Variants in ULK4 observed in about 807,000 individuals in gnomAD.
ULK4 encodes unc-51 like kinase 4, also known as inactive serine/threonine-protein kinase ULK4.
Under a neutral mutation model 160.6 loss-of-function variants are expected in ULK4, and 133 were observed. That is an observed-to-expected ratio of 0.83 (90% CI 0.72 to 0.96). The LOEUF (loss-of-function observed/expected upper bound fraction) is 0.96, where lower values mean the gene tolerates loss of function less well. ULK4 is among the 40% of genes least tolerant of loss of function. ULK4 has a pLI of 0.00. For synonymous variants in ULK4, 534 were observed against 539.8 expected (o/e 0.99, Z 0.15); for missense variants, 1,580 against 1,499.5 (o/e 1.05, Z -0.89).
intron 18 of ULK4, 26 bp from the exon 19 acceptor site, chr3:41,819,532 G>A: frequency 6.2e-7 from 1 of 1,602,138 alleles, no homozygotes; most frequent in South Asian, 1.1e-5. Flanking sequence ...AAAAAAAAAG[G>A]CAGTGAAGCT....
chr3:41,739,030 A>G (rs2038147858), intron 22 of ULK4, among the ~76,000 whole-genome samples: 2 of 151,924 alleles, frequency 1.3e-5, no homozygotes, highest in African/African-American at 4.9e-5. Context: ...TCACATGTGG[A>G]TTACTATTCT....
intron 31 of ULK4, among the ~76,000 whole-genome samples, chr3:41,567,158 G>T (rs1027020080): frequency 7.2e-5 from 11 of 152,164 alleles, no homozygotes; most frequent in African/African-American, 2.4e-4. Flanking sequence ...AGAAACATAT[G>T]GTTTGCTGTT....
At chr3:41,804,019 T>A (rs1000852732) in intron 19 of ULK4, among the ~76,000 whole-genome samples, 12 of 152,162 alleles carry the variant, frequency 7.9e-5, no homozygotes, top group Non-Finnish European at 1.8e-4. Flanking sequence ...GATGGCTGGG[T>A]CAAATGGTAT....
At chr3:41,806,287 A>G (rs2040639661) in intron 19 of ULK4, among the ~76,000 whole-genome samples, 1 of 151,712 alleles carries the variant, frequency 6.6e-6, no homozygotes, top group Admixed American at 6.6e-5. Context: ...TGTTTGTAGT[A>G]TTCTCTGATG....
chr3:41,933,754 AT>A lies in ULK4; in HGVS notation c.379-1749del, dbSNP rs1041872350. Among the ~76,000 whole-genome samples the A allele has an allele frequency of 1.1e-4, 17 of 151,996 alleles. No homozygotes were observed. In the East Asian group the frequency reaches 1.5e-3, roughly 14 times the overall value. On this transcript the variant is annotated intron_variant, in intron 4 of 36. Transcript: ENST00000301831. Reference sequence around the variant, plus strand: ...CACACAAAAAATTAATAAAAAAAAAATAATGTGGTTTTTAGCCAGGCATGGT... The same window carrying A: ...CACACAAAAAATTAATAAAAAAAAAAAATGTGGTTTTTAGCCAGGCATGGT...
chr3:41,691,401 C>T (rs1049312146), intron 27 of ULK4, among the ~76,000 whole-genome samples: 2 of 151,846 alleles, frequency 1.3e-5, no homozygotes, highest in Non-Finnish European at 2.9e-5. Flanking sequence ...TCCAACTGTA[C>T]TTTACTTCCT....
Position 41,313,086 on chromosome 3 carries a change from A to G in ULK4, c.3679-63512T>C, listed in dbSNP as rs74713204. Among the ~76,000 whole-genome samples the G allele has an allele frequency of 8.6e-3, 1,307 of 152,344 alleles. 11 individuals are homozygous for G. The highest frequency in any genetic ancestry group is 0.022 in the African/African-American group (925 of 41,578). On this transcript the variant is annotated intron_variant, in intron 35 of 36. Coordinates refer to ENST00000301831, the MANE Select transcript of ULK4 (RefSeq NM_017886.4). ...AACAAAGGCAAGAGATGGTTTGAGAAGACAAACCTTTGGAAAGGTTTCTCC... is the reference window on the plus strand; with the variant it reads ...AACAAAGGCAAGAGATGGTTTGAGAGGACAAACCTTTGGAAAGGTTTCTCC...
At chr3:41,407,750 CT>C (rs2082322857) in intron 34 of ULK4, among the ~76,000 whole-genome samples, 1 of 152,142 alleles carries the variant, frequency 6.6e-6, no homozygotes, top group African/African-American at 2.4e-5. Flanking sequence ...AAACCTATTG[CT>C]AACACTCACT....
At chr3:41,925,517 C>A (rs1275739597) in intron 5 of ULK4, among the ~76,000 whole-genome samples, 1 of 152,048 alleles carries the variant, frequency 6.6e-6, no homozygotes, top group Non-Finnish European at 1.5e-5. Context: ...AGTTTTTTTT[C>A]ATACCCCAGT....
rs1003462865 is a variant in ULK4, at chr3:41,780,207, G to T, written c.2193+9454C>A. On this transcript the variant is annotated intron_variant, in intron 21 of 36. Transcript: ENST00000301831. ...ACACACCTGTGGTCCCAGCCACCCT[G>T]GAAGGTGGAAAGACAGCTTGAGCCC... is the stretch of plus-strand genomic sequence containing the variant. Among the ~76,000 whole-genome samples the T allele has an allele frequency of 3.9e-5, 6 of 151,904 alleles. No homozygotes were observed. In the South Asian group the frequency reaches 8.3e-4, roughly 21 times the overall value.
intron 19 of ULK4, among the ~76,000 whole-genome samples, chr3:41,805,695 G>C (rs1398619363): frequency 6.6e-6 from 1 of 150,952 alleles, no homozygotes; most frequent in African/African-American, 2.4e-5. Flanking sequence ...TAGCATGAAG[G>C]GCTGTTGAAT....
intron 35 of ULK4, among the ~76,000 whole-genome samples, chr3:41,276,947 C>T: frequency 6.6e-6 from 1 of 152,070 alleles, no homozygotes; most frequent in East Asian, 1.9e-4. Context: ...ACAACTGACA[C>T]AACTGAAATA....
At chr3:41,671,407 A>C (rs1270970743) in intron 29 of ULK4, among the ~76,000 whole-genome samples, 1 of 152,268 alleles carries the variant, frequency 6.6e-6, no homozygotes, top group East Asian at 1.9e-4. Flanking sequence ...AGATCAATGG[A>C]ACAGAATAGA....
intron 12 of ULK4, among the ~76,000 whole-genome samples, chr3:41,901,997 G>A (rs941115391): frequency 6.6e-6 from 1 of 152,002 alleles, no homozygotes; most frequent in African/African-American, 2.4e-5. Flanking sequence ...CCTTTGAGAT[G>A]GTTCTTTGTG....
At chr3:41,440,315 T>C (rs2083134203) in intron 34 of ULK4, among the ~76,000 whole-genome samples, 1 of 152,186 alleles carries the variant, frequency 6.6e-6, no homozygotes, top group Non-Finnish European at 1.5e-5. Flanking sequence ...CACCATTAAG[T>C]ATAATGCTAA....
intron 35 of ULK4, among the ~76,000 whole-genome samples, chr3:41,252,173 T>G (rs2078754441): frequency 6.6e-6 from 1 of 152,220 alleles, no homozygotes; most frequent in Admixed American, 6.5e-5. Flanking sequence ...ATCAATATTC[T>G]CTGTAGTATT....
chr3:41,800,301 G>A lies in ULK4; in HGVS notation c.1849-8C>T. On this transcript the variant is annotated splice_region_variant and splice_polypyrimidine_tract_variant and intron_variant, in intron 19 of 36. Coordinates refer to ENST00000301831, the MANE Select transcript of ULK4 (RefSeq NM_017886.4). ...ATTCACAACACGCTCTTCCTATAGAGAAAGGAGATTAAAATAATATTAGTG... is the reference window on the plus strand; with the variant it reads ...ATTCACAACACGCTCTTCCTATAGAAAAAGGAGATTAAAATAATATTAGTG... 1.2e-6 allele frequency: 2 copies of A among 1,601,732 alleles called. No homozygotes were observed. The highest frequency in any genetic ancestry group is 1.7e-6 in the Non-Finnish European group (2 of 1,175,704).
At chr3:41,930,055 G>A (rs1575969255) in intron 5 of ULK4, among the ~76,000 whole-genome samples, 1 of 152,118 alleles carries the variant, frequency 6.6e-6, no homozygotes, top group African/African-American at 2.4e-5. Context: ...AAAGAACAAA[G>A]CTGGAGGCAT....
In ULK4 at chr3:41,378,125, C is replaced by CA. The variant is rs1432977555; in HGVS notation, c.3678+19953dup. ...CATTGTCAGTAAACTATTGCAAGAA[C>CA]AAAAAACCAAACACCACATATTCTC... On this transcript the variant is annotated intron_variant, in intron 35 of 36. Transcript: ENST00000301831. 4.7e-5 allele frequency among the ~76,000 whole-genome samples: 7 copies of CA among 147,772 alleles called. No individual in the cohort carries two copies. In the Admixed American group the frequency reaches 4.9e-4, roughly 10 times the overall value.
Sources: allele counts gnomAD v4.1 joint callset (sites outside exome capture counted in the v4.1 genomes callset), GRCh38; gene constraint gnomAD v4.1.1; transcripts MANE v1.5; gene names NCBI Gene and HGNC (gene_info 2026-07-23, HGNC 2026-07-21).